HS6ST2: variants seen among roughly 807,000 people sequenced by gnomAD.
HS6ST2 encodes heparan sulfate 6-O-sulfotransferase 2.
HS6ST2 carries 17 observed loss-of-function variants against 33.0 expected under a neutral mutation model. The observed-to-expected ratio is 0.52, with a 90% CI of 0.35 to 0.77. The LOEUF is 0.77. Among genes scored for constraint, HS6ST2 ranks in the 30% least tolerant of loss-of-function variants. The pLI is 0.01. For synonymous variants in HS6ST2, 248 were observed against 237.1 expected (o/e 1.05, Z -0.42); for missense variants, 519 against 551.7 (o/e 0.94, Z 0.59).
Position 132,655,249 on chromosome X carries a change from T to C in HS6ST2, c.1067+13864A>G, listed in dbSNP as rs768698374. Among the ~76,000 whole-genome samples the C allele has an allele frequency of 4.2e-3, 474 of 112,139 alleles. 4 individuals carry two copies. The highest frequency in any genetic ancestry group is 0.014 in the African/African-American group (423 of 30,942). ...TGGCACATCTTAGTGTCTGGTTCAA[T>C]GCTAAATAGATGCTGTTCAGAGGAG... On this transcript the variant is annotated intron_variant, in intron 4 of 4. Coordinates refer to ENST00000370833, the MANE Select transcript of HS6ST2 (RefSeq NM_001394073.1).
intron 4 of HS6ST2, among the ~76,000 whole-genome samples, chrX:132,667,893 T>C (rs971897673): frequency 8.9e-6 from 1 of 112,760 alleles, no homozygotes; most frequent in Non-Finnish European, 1.9e-5. Context: ...TTCCCTTCCT[T>C]CATAATTTAT....
At chrX:132,708,602 C>A (rs2064205526) in intron 2 of HS6ST2, 108 bp from the exon 3 acceptor site, 2 of 700,796 alleles carry the variant, frequency 2.9e-6, no homozygotes, top group South Asian at 2.5e-5. Context: ...TCCAGCTTCC[C>A]AAACCTTAGG....
At chrX:132,709,812 A>AAAACACACACACAC (rs1556419780) in intron 2 of HS6ST2, among the ~76,000 whole-genome samples, 1 of 92,195 alleles carries the variant, frequency 1.1e-5, no homozygotes, top group Non-Finnish European at 2.1e-5. Flanking sequence ...GAAAAGACAA[A>AAAACACACACACAC]ACACACACAC....
chrX:132,639,190 A>G (rs2063583252), intron 4 of HS6ST2, among the ~76,000 whole-genome samples: 1 of 111,812 alleles, frequency 8.9e-6, no homozygotes, highest in African/African-American at 3.2e-5. Flanking sequence ...AAAAGAAATC[A>G]CTCTCCTTTT....
intron 2 of HS6ST2, among the ~76,000 whole-genome samples, chrX:132,948,467 G>A (rs908446631): frequency 7.1e-5 from 8 of 111,915 alleles, no homozygotes; most frequent in Non-Finnish European, 3.8e-5. Context: ...ATTTTGAATC[G>A]GCGTGTGTGC....
intron 2 of HS6ST2, among the ~76,000 whole-genome samples, chrX:132,750,110 A>G (rs1457860649): frequency 9.1e-6 from 1 of 110,490 alleles, no homozygotes; most frequent in Admixed American, 9.7e-5. Context: ...CAAAACACCA[A>G]GAGCCAACAG....
At chrX:132,721,197 A>T (rs2064324478) in intron 2 of HS6ST2, among the ~76,000 whole-genome samples, 1 of 112,380 alleles carries the variant, frequency 8.9e-6, no homozygotes, top group Non-Finnish European at 1.9e-5. Context: ...CCAGCCATAA[A>T]ACATTTTAAA....
At chrX:132,914,516 T>G (rs2066565753) in intron 2 of HS6ST2, among the ~76,000 whole-genome samples, 1 of 112,814 alleles carries the variant, frequency 8.9e-6, no homozygotes, top group African/African-American at 3.2e-5. Context: ...GGTGGTTTAC[T>G]AATAATTGTG....
Position 132,867,940 on chromosome X carries a change from A to C in HS6ST2, c.947+88868T>G, listed in dbSNP as rs771193603. Reference sequence around the variant, plus strand: ...ATCAAATTCACACATAACAATATTAACCTTAAATGTAAATGGGCTAAATGC... The same window carrying C: ...ATCAAATTCACACATAACAATATTACCCTTAAATGTAAATGGGCTAAATGC... On this transcript the variant is annotated intron_variant, in intron 2 of 4. Transcript: ENST00000370833. Among the ~76,000 whole-genome samples, 13 of 111,920 alleles carry C rather than the reference A, an allele frequency of 1.2e-4. No individual in the cohort carries two copies. In the Admixed American group the frequency reaches 1.2e-3, roughly 11 times the overall value.
chrX:132,754,712 G>A (rs1446523276), intron 2 of HS6ST2, among the ~76,000 whole-genome samples: 2 of 108,658 alleles, frequency 1.8e-5, no homozygotes, highest in Non-Finnish European at 3.8e-5. Context: ...CACCACACCC[G>A]GCCTGCACCC....
At chrX:132,730,684 A>G (rs763639742) in intron 2 of HS6ST2, among the ~76,000 whole-genome samples, 2 of 112,521 alleles carry the variant, frequency 1.8e-5, no homozygotes, top group East Asian at 5.6e-4. Flanking sequence ...CCCTCTGCAC[A>G]GCTCCCATCC....
intron 4 of HS6ST2, among the ~76,000 whole-genome samples, chrX:132,636,297 C>G (rs1188901541): frequency 9.0e-6 from 1 of 111,633 alleles, no homozygotes; most frequent in Admixed American, 9.5e-5. Context: ...TATGAAATAA[C>G]AGATATACCA....
At chrX:132,718,329 T>C (rs891794156) in intron 2 of HS6ST2, among the ~76,000 whole-genome samples, 3 of 111,792 alleles carry the variant, frequency 2.7e-5, no homozygotes, top group Non-Finnish European at 5.6e-5. Context: ...AGCAACCCTG[T>C]GAGGTAGGCG....
chrX:132,915,145 C>T (rs779535096), intron 2 of HS6ST2, among the ~76,000 whole-genome samples: 13 of 112,125 alleles, frequency 1.2e-4, no homozygotes, highest in Non-Finnish European at 2.1e-4. Context: ...GGCACTCTCA[C>T]TAGCAGTGCA....
chrX:132,917,240 T>C (rs1193216500), intron 2 of HS6ST2, among the ~76,000 whole-genome samples: 2 of 111,385 alleles, frequency 1.8e-5, no homozygotes, highest in Non-Finnish European at 3.8e-5. Context: ...CATTCTATGG[T>C]TTAAATACCA....
intron 2 of HS6ST2, among the ~76,000 whole-genome samples, chrX:132,781,973 T>C (rs999149943): frequency 6.3e-5 from 7 of 111,734 alleles, no homozygotes; most frequent in African/African-American, 2.3e-4. Flanking sequence ...AGGCCAAGGA[T>C]CACAGCATTC....
At chrX:132,868,254 C>A (rs1158207356) in intron 2 of HS6ST2, among the ~76,000 whole-genome samples, 1 of 112,095 alleles carries the variant, frequency 8.9e-6, no homozygotes, top group Admixed American at 9.4e-5. Flanking sequence ...TATACGTGTA[C>A]CCAGTACATG....
chrX:132,687,040 G>T (rs924926605), intron 3 of HS6ST2, among the ~76,000 whole-genome samples: 1 of 112,251 alleles, frequency 8.9e-6, no homozygotes, highest in African/African-American at 3.2e-5. Context: ...AAGAAATAAA[G>T]AAATAATTAG....
chrX:132,754,304 C>T (rs1382158163), intron 2 of HS6ST2, among the ~76,000 whole-genome samples: 4 of 111,168 alleles, frequency 3.6e-5, no homozygotes, highest in Admixed American at 2.9e-4. Context: ...TCCAAAGACA[C>T]ATACAATCAG....
Sources: allele counts gnomAD v4.1 joint callset (sites outside exome capture counted in the v4.1 genomes callset), GRCh38; gene constraint gnomAD v4.1.1; transcripts MANE v1.5; gene names NCBI Gene and HGNC (gene_info 2026-07-23, HGNC 2026-07-21).